The following AP1G1 variants were observed in gnomAD, a reference collection of about 807,000 sequenced individuals.
AP1G1 encodes the protein AP-1 complex subunit gamma-1.
AP1G1 carries 7 observed loss-of-function variants against 108.3 expected under a neutral mutation model. That is an observed-to-expected ratio of 0.06 (90% CI 0.04 to 0.12). The LOEUF (loss-of-function observed/expected upper bound fraction) is 0.12, where lower values mean the gene tolerates loss of function less well. AP1G1 is among the 10% of genes least tolerant of loss of function. The pLI, the probability that AP1G1 is intolerant of heterozygous loss-of-function variation, is 1.00. For synonymous variants in AP1G1, 379 were observed against 353.5 expected (o/e 1.07, Z -0.81); for missense variants, 756 against 1,010.7 (o/e 0.75, Z 3.42).
At chr16:71,739,891 A>T (rs944332449) in intron 19 of AP1G1, among the ~76,000 whole-genome samples, 1 of 152,228 alleles carries the variant, frequency 6.6e-6, no homozygotes, top group Non-Finnish European at 1.5e-5. Flanking sequence ...AAGTGTCAAG[A>T]TATAAAAACA....
intron 1 of AP1G1, among the ~76,000 whole-genome samples, chr16:71,792,480 C>T (rs1023145918): frequency 7.2e-5 from 11 of 152,034 alleles, no homozygotes; most frequent in Non-Finnish European, 1.2e-4. Context: ...AATGTGAGTC[C>T]GTATTTTGGC....
chr16:71,746,569 C>A lies in AP1G1; in HGVS notation c.1730+19G>T. ...AGGATGCTAAGAGATACACGCATTG[C>A]TTAGTTTCTTTCGCTCACCTCATGT... On this transcript the variant is annotated intron_variant, in intron 17 of 22. Transcript: ENST00000299980. 1 of 1,478,472 alleles carries A rather than the reference C, an allele frequency of 6.8e-7. No individual in the cohort carries two copies. Among genetic ancestry groups the A allele is most frequent in the Non-Finnish European group, 9.4e-7 (1 of 1,065,480 alleles). The allele number at this position is 1,478,472 out of a possible 1,614,324, so 91.6% of individuals were successfully genotyped here.
intron 2 of AP1G1, among the ~76,000 whole-genome samples, chr16:71,783,364 T>A (rs960747052): frequency 6.6e-6 from 1 of 152,074 alleles, no homozygotes; most frequent in African/African-American, 2.4e-5. Flanking sequence ...AGTTCAATAA[T>A]GTGGCAAAGT....
At chr16:71,801,333 T>TAA (rs11307473) in intron 1 of AP1G1, among the ~76,000 whole-genome samples, 13 of 145,448 alleles carry the variant, frequency 8.9e-5, no homozygotes, top group African/African-American at 3.0e-4. Flanking sequence ...CATGACATGT[T>TAA]AAAAAAAAAA....
intron 6 of AP1G1, among the ~76,000 whole-genome samples, chr16:71,766,217 C>A (rs1005462704): frequency 2.0e-5 from 3 of 152,118 alleles, no homozygotes; most frequent in African/African-American, 7.2e-5. Flanking sequence ...ATAATTTCCT[C>A]TTCCTATTCT....
At chr16:71,759,021 G>T in intron 10 of AP1G1, 100 bp from the exon 11 acceptor site, 2 of 666,468 alleles carry the variant, frequency 3.0e-6, no homozygotes, top group Middle Eastern at 5.2e-4. Flanking sequence ...ATGGATAAGA[G>T]AAAGCATACA....
chr16:71,793,586 G>A (rs2032479010), intron 1 of AP1G1, among the ~76,000 whole-genome samples: 1 of 152,176 alleles, frequency 6.6e-6, no homozygotes, highest in African/African-American at 2.4e-5. Context: ...AAAACAGTCT[G>A]GAGCTACTTA....
chr16:71,780,768 C>T (rs2031983836), intron 2 of AP1G1, among the ~76,000 whole-genome samples: 4 of 152,078 alleles, frequency 2.6e-5, no homozygotes, highest in Non-Finnish European at 4.4e-5. Context: ...GCCTCAGCCT[C>T]CCAAGTAGCT....
chr16:71,758,029 T>C (rs1312470272), intron 11 of AP1G1, among the ~76,000 whole-genome samples: 1 of 152,282 alleles, frequency 6.6e-6, no homozygotes, highest in East Asian at 1.9e-4. Context: ...TAAAAGTTGG[T>C]GTTATTAAGT....
chr16:71,797,325 T>A (rs566686851), intron 1 of AP1G1, among the ~76,000 whole-genome samples: 2 of 152,218 alleles, frequency 1.3e-5, no homozygotes, highest in African/African-American at 4.8e-5. Context: ...TAGTCTGCTA[T>A]CTTTCAAGTA....
At chr16:71,796,110 G>A (rs1037161886) in intron 1 of AP1G1, among the ~76,000 whole-genome samples, 1 of 152,164 alleles carries the variant, frequency 6.6e-6, no homozygotes, top group African/African-American at 2.4e-5. Context: ...GGTGGCGCAT[G>A]CGTCTGTAGT....
chr16:71,753,979 C>G (rs1434169868), intron 12 of AP1G1, 92 bp from the exon 13 acceptor site: 1 of 1,201,316 alleles, frequency 8.3e-7, no homozygotes, highest in African/African-American at 1.5e-5. Context: ...GTGACTCACA[C>G]CTGTCATCCC....
chr16:71,784,903 G>C (rs2032146551), intron 2 of AP1G1, among the ~76,000 whole-genome samples: 1 of 149,560 alleles, frequency 6.7e-6, no homozygotes, highest in South Asian at 2.1e-4. Flanking sequence ...TTAAAATATA[G>C]CTACTAGAAA....
chr16:71,759,720 A>G (rs1337364405), intron 10 of AP1G1, among the ~76,000 whole-genome samples: 1 of 152,002 alleles, frequency 6.6e-6, no homozygotes, highest in Non-Finnish European at 1.5e-5. Context: ...AGATCGTGCC[A>G]CTGCACTCCA....
rs1333206803 is a variant in AP1G1, at chr16:71,745,587, G to A, written c.1758C>T (p.Val586=). 1.2e-6 allele frequency: 2 copies of A among 1,614,138 alleles called. No individual in the cohort carries two copies. The highest frequency in any genetic ancestry group is 8.5e-7 in the Non-Finnish European group (1 of 1,180,016). ...GGCCATTTGTGGTCACTTTTTCCATGACAGGCATTCTCTCAAGTAGGGCAG... is the reference window on the plus strand; with the variant it reads ...GGCCATTTGTGGTCACTTTTTCCATAACAGGCATTCTCTCAAGTAGGGCAG... ...MRSALLERMP[V]MEKVTTNGPT... Residue 586 remains valine, a synonymous_variant, in exon 18 of 23, where the codon GTC becomes GTT. Transcript: ENST00000299980.
intron 4 of AP1G1, 146 bp downstream of exon 4, chr16:71,773,075 G>T: frequency 1.2e-6 from 1 of 867,772 alleles, no homozygotes. Context: ...AGGAATTAAG[G>T]TTAATATATA....
intron 2 of AP1G1, among the ~76,000 whole-genome samples, chr16:71,784,094 A>G (rs1315808303): frequency 1.3e-5 from 2 of 152,230 alleles, no homozygotes; most frequent in Non-Finnish European, 2.9e-5. Context: ...CAAAAGGTCC[A>G]TATAAAAAAT....
At chr16:71,737,282 C>CA (rs1313400872) in intron 21 of AP1G1, among the ~76,000 whole-genome samples, 1 of 151,868 alleles carries the variant, frequency 6.6e-6, no homozygotes, top group African/African-American at 2.4e-5. Flanking sequence ...TACTGCTCCC[C>CA]TTTTTTTTCT....
rs1378309724 is a variant in AP1G1 at position 71,808,811 on chromosome 16, A to C, written c.-52T>G. ...CAGCAGCTCCGGGGGCGGCGGCAGC[A>C]GTGGCAGCAGGAACCGAACATCCAA... On this transcript the variant is annotated 5_prime_UTR_variant, in exon 1 of 23. Coordinates refer to ENST00000299980, the MANE Select transcript of AP1G1 (RefSeq NM_001128.6). 2 of 1,289,588 alleles carry C rather than the reference A, an allele frequency of 1.6e-6. No homozygotes were observed. Among genetic ancestry groups the C allele is most frequent in the Non-Finnish European group, 1.0e-6 (1 of 988,808 alleles). The allele number at this position is 1,289,588 out of a possible 1,614,324, so 79.9% of individuals were successfully genotyped here.
Sources: allele counts gnomAD v4.1 joint callset (sites outside exome capture counted in the v4.1 genomes callset), GRCh38; gene constraint gnomAD v4.1.1; transcripts MANE v1.5; gene names NCBI Gene and HGNC (gene_info 2026-07-23, HGNC 2026-07-21).